MYPN: variants seen among roughly 807,000 people sequenced by gnomAD.
MYPN encodes the protein myopalladin.
MYPN carries 63 observed loss-of-function variants against 129.4 expected under a neutral mutation model. The ratio of observed to expected loss-of-function variants is 0.49; its 90% confidence interval spans 0.40 to 0.60. The LOEUF (loss-of-function observed/expected upper bound fraction) is 0.60, where lower values mean the gene tolerates loss of function less well. Among genes scored for constraint, MYPN ranks in the 20% least tolerant of loss-of-function variants. The pLI, the probability that MYPN is intolerant of heterozygous loss-of-function variation, is 0.00. For missense variants in MYPN, 1,596 were observed against 1,635.4 expected (o/e 0.98, Z 0.42); for synonymous variants, 629 against 600.9 (o/e 1.05, Z -0.68).
intron 1 of MYPN, among the ~76,000 whole-genome samples, chr10:68,111,064 T>A (rs1278224603): frequency 6.6e-6 from 1 of 152,194 alleles, no homozygotes; most frequent in South Asian, 2.1e-4. Context: ...CAATTTATAA[T>A]ATAGACACTA....
In MYPN at chr10:68,197,472, C is replaced by T. The variant is rs115033934; in HGVS notation, c.3279C>T (p.Asp1093=). The change falls in exon 16 of 20, where the codon GAC becomes GAT. Residue 1093 remains aspartate (D), a synonymous_variant. Coordinates refer to ENST00000358913, the MANE Select transcript of MYPN (RefSeq NM_032578.4). The stretch of plus-strand genomic sequence containing the variant: ...ATGAGGGGCGCCTCTGTCGGCTGGA[C>T]TGTAAGGTAGACTCCAGCACCCATG... ...VAHEGRLCRL[D]CKVSGLPPPE... 3,373 of 1,613,592 alleles carry T rather than the reference C, an allele frequency of 2.1e-3. 69 individuals are homozygous for T. In the African/African-American group the frequency reaches 0.038, roughly 18 times the overall value.
intron 8 of MYPN, among the ~76,000 whole-genome samples, chr10:68,164,588 T>C (rs997995666): frequency 6.6e-6 from 1 of 152,240 alleles, no homozygotes; most frequent in Non-Finnish European, 1.5e-5. Context: ...TTTCTCCTAA[T>C]GCAACTATTT....
At position 68,210,267 on chromosome 10, in the gene MYPN, T is replaced by G. The variant is rs1448398956; in HGVS notation, c.3794-19T>G. On this transcript the variant is annotated intron_variant, in intron 19 of 19. Transcript: ENST00000358913. ...CTGCATTCCTTTGATCATAACACAT[T>G]ATTTGGTCCATTTTCCAGCTCAGTG... The G allele has an allele frequency of 1.2e-6, 2 of 1,612,600 alleles. No homozygotes were observed. The highest frequency in any genetic ancestry group is 1.7e-6 in the Non-Finnish European group (2 of 1,179,930).
chr10:68,150,210 G>A (rs2042744985), intron 6 of MYPN, 99 bp downstream of exon 6: 1 of 1,106,906 alleles, frequency 9.0e-7, no homozygotes, highest in Non-Finnish European at 1.4e-6. Flanking sequence ...TCAGGATTTG[G>A]TCTTCTGTAT....
chr10:68,090,385 G>A (rs367611322), intron 1 of MYPN, among the ~76,000 whole-genome samples: 2 of 151,974 alleles, frequency 1.3e-5, no homozygotes, highest in African/African-American at 2.4e-5. Flanking sequence ...GGCTGGTTTC[G>A]AACTCCTGAC....
chr10:68,174,016 C>G, intron 10 of MYPN, 50 bp from the exon 11 acceptor site: 1 of 1,392,086 alleles, frequency 7.2e-7, no homozygotes, highest in Non-Finnish European at 1.0e-6. Flanking sequence ...AAAGGTGAGG[C>G]CAATAATAAC....
At chr10:68,175,682 T>C (rs1310147713) in intron 12 of MYPN, among the ~76,000 whole-genome samples, 2 of 152,116 alleles carry the variant, frequency 1.3e-5, no homozygotes, top group African/African-American at 4.8e-5. Context: ...TTTACATGTA[T>C]TTACCCAGAA....
intron 18 of MYPN, among the ~76,000 whole-genome samples, chr10:68,203,741 A>AGAGAGT (rs71009022): frequency 1.4e-3 from 217 of 150,574 alleles, no homozygotes; most frequent in African/African-American, 5.0e-3. Flanking sequence ...AGAGAGAGAG[A>AGAGAGT]GAGAGATACA....
chr10:68,170,534 A>C (rs2043128589), intron 10 of MYPN, among the ~76,000 whole-genome samples: 1 of 152,126 alleles, frequency 6.6e-6, no homozygotes, highest in Non-Finnish European at 1.5e-5. Context: ...AAATATATTG[A>C]CTCAGTCTTC....
In MYPN at chr10:68,166,352, G is replaced by C. The variant is rs2043053343; in HGVS notation, c.1659G>C (p.Leu553=). The C allele has an allele frequency of 6.2e-7, 1 of 1,613,868 alleles. No individual in the cohort carries two copies. The change falls in exon 10 of 20, where the codon CTG becomes CTC. Residue 553 remains leucine (L), a synonymous_variant. Transcript: ENST00000358913. ...SLHSANSTTN[L]AAIEPQPSPP... is the part of the protein sequence containing the mutation. Reference sequence around the variant, plus strand: ...ACTCAGCCAACTCTACCACCAACCTGGCAGCTATTGAGCCACAGCCCTCCC... The same window carrying C: ...ACTCAGCCAACTCTACCACCAACCTCGCAGCTATTGAGCCACAGCCCTCCC...
chr10:68,173,845 TTG>T lies in MYPN; in HGVS notation c.1974-219_1974-218del, dbSNP rs1491057232. ...TATGTATATATAATTTTTTTTTTTTTTGTTAGAGACGGGGTTTCACCATGTTG... is the reference window on the plus strand; with the variant it reads ...TATGTATATATAATTTTTTTTTTTTTTTAGAGACGGGGTTTCACCATGTTG... On this transcript the variant is annotated intron_variant, in intron 10 of 19. Transcript: ENST00000358913. Among the ~76,000 whole-genome samples the T allele has an allele frequency of 1.1e-3, 98 of 87,152 alleles. 1 individual carries two copies. The highest frequency in any genetic ancestry group is 2.9e-3 in the African/African-American group (94 of 32,926). The allele number at this position is 87,152 out of a possible 152,430, so 57.2% of individuals were successfully genotyped here.
At chr10:68,163,269 T>A (rs535657510) in intron 8 of MYPN, among the ~76,000 whole-genome samples, 243 of 149,912 alleles carry the variant, frequency 1.6e-3, no homozygotes, top group African/African-American at 5.8e-3. Flanking sequence ...CACTCCAGCC[T>A]GGGCAACAGA....
intron 2 of MYPN, among the ~76,000 whole-genome samples, chr10:68,134,925 G>T (rs1290118851): frequency 2.6e-5 from 4 of 151,962 alleles, no homozygotes; most frequent in Admixed American, 6.6e-5. Flanking sequence ...CTGCCTGGAA[G>T]AACTCAATAA....
In MYPN at chr10:68,199,388, G is replaced by T. The variant is rs771521427; in HGVS notation, c.3306G>T (p.Pro1102=). ...ATTAGGTGAGTGGTTTACCGCCCCC[G>T]GAGCTGACATGGCTACTCAATGGCC... ...LDCKVSGLPP[P]ELTWLLNGQP... Residue 1102 remains proline (P), a synonymous_variant, in exon 17 of 20, where the codon CCG becomes CCT. Transcript: ENST00000358913. 3.8e-5 allele frequency: 62 copies of T among 1,613,850 alleles called. No homozygotes were observed. Among genetic ancestry groups the T allele is most frequent in the Middle Eastern group, 1.6e-4 (1 of 6,074 alleles).
chr10:68,159,774 T>C (rs1400798577), intron 7 of MYPN, among the ~76,000 whole-genome samples: 1 of 152,244 alleles, frequency 6.6e-6, no homozygotes, highest in Non-Finnish European at 1.5e-5. Flanking sequence ...TCAATTGTTT[T>C]ACTTCCTTTT....
chr10:68,106,855 C>A (rs2042018242), upstream of MYPN: 1 of 714,282 alleles, frequency 1.4e-6, no homozygotes, highest in African/African-American at 1.7e-5. Context: ...CAGCTGAAGG[C>A]AAGCACAGGA....
chr10:68,108,268 A>T (rs2042036280), upstream of MYPN, among the ~76,000 whole-genome samples: 1 of 152,206 alleles, frequency 6.6e-6, no homozygotes, highest in African/African-American at 2.4e-5. Flanking sequence ...AAAACCACAT[A>T]AAAAAGGTGT....
At chr10:68,206,050 G>A (rs1320174204) in intron 18 of MYPN, among the ~76,000 whole-genome samples, 1 of 152,138 alleles carries the variant, frequency 6.6e-6, no homozygotes, top group Non-Finnish European at 1.5e-5. Flanking sequence ...AATGAGCTGT[G>A]GCAGCCCCAG....
At position 68,121,897 on chromosome 10, in the gene MYPN, G is replaced by T. The variant is rs1589528746; in HGVS notation, c.459G>T (p.Lys153Asn). The T allele has an allele frequency of 6.2e-7, 1 of 1,614,166 alleles. No individual in the cohort carries two copies. The highest frequency in any genetic ancestry group is 1.3e-5 in the African/African-American group (1 of 75,040). The change falls in exon 2 of 20, where the codon AAG becomes AAT. Residue 153 changes from lysine to asparagine, a missense_variant. By Grantham distance (94) the Lys-to-Asn change is moderately conservative (BLOSUM62 0). Coordinates refer to ENST00000358913, the MANE Select transcript of MYPN (RefSeq NM_032578.4). ...AGTCCAAAAAAGTATTTTTAAATAA[G>T]GCTGCCGACTTCATTGAAGAGCTAT... ...ETQSKKVFLN[K>N]AADFIEELSS...
Sources: gnomAD v4.1 joint callset for allele counts (sites outside exome capture counted in the v4.1 genomes callset) on GRCh38, gnomAD v4.1.1 for gene constraint, MANE v1.5 for transcripts, NCBI Gene and HGNC (gene_info 2026-07-23, HGNC 2026-07-21) for gene names.